Variants in TSPEAR observed in about 807,000 individuals in gnomAD.
TSPEAR encodes the protein thrombospondin-type laminin G domain and EAR repeat-containing protein.
A neutral mutation model predicts 71.6 loss-of-function variants in TSPEAR; 69 were observed. The observed-to-expected ratio is 0.96, with a 90% CI of 0.79 to 1.18. The LOEUF is 1.18. Ranked by LOEUF, TSPEAR falls within the 50% of genes most tolerant of loss-of-function variation. TSPEAR has a pLI of 0.00. For synonymous variants in TSPEAR, 402 were observed against 387.2 expected (o/e 1.04, Z -0.45); for missense variants, 971 against 894.9 (o/e 1.09, Z -1.09).
At chr21:44,595,728 C>T (rs946746022) in intron 1 of TSPEAR, among the ~76,000 whole-genome samples, 2 of 152,224 alleles carry the variant, frequency 1.3e-5, no homozygotes, top group African/African-American at 4.8e-5. Context: ...CAAAACATCA[C>T]CTCATTCTAT....
intron 1 of TSPEAR, chr21:44,637,582 G>T (rs368903210): frequency 1.2e-6 from 2 of 1,613,706 alleles, no homozygotes; most frequent in Non-Finnish European, 1.7e-6. Flanking sequence ...GCTGCCAGAC[G>T]GCCTGTGAGC....
At chr21:44,616,731 C>A (rs1474135759) in intron 1 of TSPEAR, among the ~76,000 whole-genome samples, 1 of 152,262 alleles carries the variant, frequency 6.6e-6, no homozygotes, top group Non-Finnish European at 1.5e-5. Context: ...GCACCGGACA[C>A]CTGGCTCAGC....
intron 8 of TSPEAR, among the ~76,000 whole-genome samples, chr21:44,525,051 GTAGT>G (rs1228787111): frequency 1.3e-5 from 2 of 151,570 alleles, no homozygotes; most frequent in Admixed American, 6.6e-5. Flanking sequence ...AGTCAGTCAG[GTAGT>G]TAGTCAGATA....
At chr21:44,625,436 A>T (rs34392161) in intron 1 of TSPEAR, among the ~76,000 whole-genome samples, 2,988 of 152,080 alleles carry the variant, frequency 0.02, 95 homozygotes, top group African/African-American at 0.068. Context: ...CTACAAAAAA[A>T]ATTTTTTTTT....
At chr21:44,501,431 T>TA (rs1324841468) in intron 11 of TSPEAR, among the ~76,000 whole-genome samples, 1 of 152,108 alleles carries the variant, frequency 6.6e-6, no homozygotes, top group South Asian at 2.1e-4. Context: ...CCATCTCTAC[T>TA]AAAAAATACA....
At chr21:44,697,761 C>G (rs1555950949) in intron 1 of TSPEAR, 3 of 1,614,146 alleles carry the variant, frequency 1.9e-6, no homozygotes, top group Non-Finnish European at 8.5e-7. Context: ...TGCACCACCT[C>G]CTGCTGCAGA....
intron 2 of TSPEAR, chr21:44,557,769 A>C: frequency 2.0e-6 from 1 of 496,354 alleles, no homozygotes; most frequent in Non-Finnish European, 3.6e-6. Flanking sequence ...GGTTTGCCAG[A>C]TATGCAAAAA....
At chr21:44,645,854 T>C (rs1036229504) in intron 1 of TSPEAR, among the ~76,000 whole-genome samples, 1 of 151,978 alleles carries the variant, frequency 6.6e-6, no homozygotes, top group African/African-American at 2.4e-5. Context: ...TTGAAATATT[T>C]TCCGGCCGGA....
chr21:44,631,330 T>C (rs1323676098), intron 1 of TSPEAR, among the ~76,000 whole-genome samples: 1 of 152,134 alleles, frequency 6.6e-6, no homozygotes, highest in Non-Finnish European at 1.5e-5. Flanking sequence ...AAAATTTCAC[T>C]AGAGAAGTCC....
At chr21:44,516,008 C>T (rs2052554862) in intron 9 of TSPEAR, 1 of 152,292 alleles carries the variant, frequency 6.6e-6, no homozygotes, top group Non-Finnish European at 1.5e-5. Context: ...GACACAGGGA[C>T]ACCTGTGGAC....
rs145058000 is a variant in TSPEAR, at chr21:44,612,561, C to T, written c.83-44556G>A. On this transcript the variant is annotated intron_variant, in intron 1 of 11. Transcript: ENST00000323084. The surrounding 1 kb of genome is among the most constrained non-coding windows in gnomAD (Gnocchi z 4.1). ...TGCCAGCAGTCTAGCTGCCAGTCAG[C>T]TTGCTGCACCTTCTCCCCATGCCAA... is the stretch of plus-strand genomic sequence containing the variant. 6.6e-5 allele frequency: 107 copies of T among 1,614,090 alleles called. No individual in the cohort carries two copies. In the African/African-American group the frequency reaches 9.5e-4, roughly 14 times the overall value.
At position 44,698,715 on chromosome 21, in the gene TSPEAR, G is replaced by A. The variant is rs11910937; in HGVS notation, c.82+12718C>T. Among the ~76,000 whole-genome samples the A allele has an allele frequency of 6.1e-3, 935 of 152,296 alleles. 16 individuals carry two copies. The highest frequency in any genetic ancestry group is 0.021 in the African/African-American group (881 of 41,568). The stretch of plus-strand genomic sequence containing the variant: ...TCCTCACAGGGAGATTCAGAGTCCC[G>A]GGACAAGCGTCCAGGCTCAGCTGCC... On this transcript the variant is annotated intron_variant, in intron 1 of 11. Coordinates refer to ENST00000323084, the MANE Select transcript of TSPEAR (RefSeq NM_144991.3).
intron 1 of TSPEAR, among the ~76,000 whole-genome samples, chr21:44,651,324 A>C (rs1984777435): frequency 6.6e-6 from 1 of 152,168 alleles, no homozygotes; most frequent in South Asian, 2.1e-4. Context: ...CAGTGTGTAG[A>C]AACACCAGGC....
intron 1 of TSPEAR, among the ~76,000 whole-genome samples, chr21:44,691,634 T>C (rs1987127865): frequency 6.6e-6 from 1 of 152,226 alleles, no homozygotes; most frequent in Non-Finnish European, 1.5e-5. Context: ...TTGGAGACTT[T>C]AATATTTCAT....
rs587598763 is a variant in TSPEAR at position 44,661,030 on chromosome 21, G to A, written c.82+50403C>T. Among the ~76,000 whole-genome samples, 183 of 152,204 alleles carry A rather than the reference G, an allele frequency of 1.2e-3. 1 individual carries two copies. Among genetic ancestry groups the A allele is most frequent in the African/African-American group, 4.1e-3 (171 of 41,526 alleles). ...AAATAGGCCGGGCGCGGTGGCTCAC[G>A]CCTGTAATCCCAGCACTTTGGGAGG... On this transcript the variant is annotated intron_variant, in intron 1 of 11. Coordinates refer to ENST00000323084, the MANE Select transcript of TSPEAR (RefSeq NM_144991.3).
At chr21:44,579,866 G>A (rs1555924653) in intron 1 of TSPEAR, 4 of 1,598,268 alleles carry the variant, frequency 2.5e-6, no homozygotes, top group Non-Finnish European at 3.4e-6. Context: ...ACAGCAGGAG[G>A]AGATGGGCAG....
intron 2 of TSPEAR, among the ~76,000 whole-genome samples, chr21:44,563,186 T>TA (rs1367232131): frequency 6.6e-6 from 1 of 152,112 alleles, no homozygotes; most frequent in Non-Finnish European, 1.5e-5. Context: ...TCAGAAATGA[T>TA]AAAAAGGCTA....
At chr21:44,504,301 C>T (rs1456229650) in intron 11 of TSPEAR, among the ~76,000 whole-genome samples, 5 of 135,658 alleles carry the variant, frequency 3.7e-5, no homozygotes, top group South Asian at 2.5e-4. Flanking sequence ...AAGCCGGCCT[C>T]GGTGAGCCCT....
At chr21:44,539,775 T>C (rs2053177322) in intron 2 of TSPEAR, 1 of 1,610,746 alleles carries the variant, frequency 6.2e-7, no homozygotes, top group Non-Finnish European at 8.5e-7. Context: ...GGCTGGCAGC[T>C]AGACTGCTGG....
Sources: gnomAD v4.1 joint callset for allele counts (sites outside exome capture counted in the v4.1 genomes callset) on GRCh38, gnomAD v4.1.1 for gene constraint, Gnocchi (gnomAD v3.1) non-coding constraint, MANE v1.5 for transcripts, NCBI Gene and HGNC (gene_info 2026-07-23, HGNC 2026-07-21) for gene names.